WWOX: variants seen among roughly 807,000 people sequenced by gnomAD.
The protein encoded by WWOX is WW domain-containing oxidoreductase.
In WWOX, 69 loss-of-function variants were observed where a neutral mutation model predicts 46.2. The ratio of observed to expected loss-of-function variants is 1.49; its 90% CI spans 1.23 to 1.82. WWOX has a LOEUF of 1.82. Among genes scored for constraint, WWOX ranks in the 40% most tolerant of loss-of-function variants. The probability of loss-of-function intolerance (pLI) is 0.00; values close to 1 mark genes in which losing one functional copy is unlikely to be tolerated. For missense variants in WWOX, 919 were observed against 542.6 expected, an observed-to-expected ratio of 1.69 and a Z score of -6.89; for synonymous variants, 359 against 202.6, an observed-to-expected ratio of 1.77 and a Z score of -6.56.
At chr16:78,197,003 T>A (rs2151770164) in intron 5 of WWOX, among the ~76,000 whole-genome samples, 1 of 152,318 alleles carries the variant, frequency 6.6e-6, no homozygotes, top group African/African-American at 2.4e-5. Flanking sequence ...TAATATATAA[T>A]TTCAGGCATA....
intron 8 of WWOX, among the ~76,000 whole-genome samples, chr16:78,489,582 C>G (rs1597155983): frequency 1.3e-5 from 2 of 152,094 alleles, no homozygotes; most frequent in East Asian, 3.9e-4. Flanking sequence ...AGCATTTAAA[C>G]TGAATTTGGA....
In WWOX at chr16:78,860,974, C is replaced by G. The variant is rs1406251193; in HGVS notation, c.1057-350634C>G. On this transcript the variant is annotated intron_variant, in intron 8 of 8. Transcript: ENST00000566780. ...GGGACTACAGGCGCATGCCGTAACTCGCAACTAATTTTTTGTATTTTTTTT... is the reference window on the plus strand; with the variant it reads ...GGGACTACAGGCGCATGCCGTAACTGGCAACTAATTTTTTGTATTTTTTTT... Among the ~76,000 whole-genome samples, 6 of 152,094 alleles carry G rather than the reference C, an allele frequency of 3.9e-5. No homozygotes were observed. The South Asian group carries it at 1.2e-3, about 32-fold the overall frequency.
chr16:78,515,773 G>C (rs1000548054), intron 8 of WWOX, among the ~76,000 whole-genome samples: 1 of 152,160 alleles, frequency 6.6e-6, no homozygotes, highest in Admixed American at 6.5e-5. Flanking sequence ...TTCTGCAAAG[G>C]TAACTTAGCG....
At chr16:79,030,834 G>A (rs1209302571) in intron 8 of WWOX, among the ~76,000 whole-genome samples, 1 of 152,132 alleles carries the variant, frequency 6.6e-6, no homozygotes, top group African/African-American at 2.4e-5. Flanking sequence ...TGTAATTCTA[G>A]CACTTTGGGA....
At chr16:78,988,013 A>T (rs989534117) in intron 8 of WWOX, among the ~76,000 whole-genome samples, 53 of 151,972 alleles carry the variant, frequency 3.5e-4, no homozygotes, top group African/African-American at 1.1e-3. Flanking sequence ...TATTTTATAA[A>T]GGGGGGGTGG....
chr16:78,792,329 C>G lies in WWOX; in HGVS notation c.1056+359577C>G, dbSNP rs180793033. ...CAGCCCCACCTTGGATCTCTCTCCT[C>G]TACTTCCCACATGTATCCTTTTCAT... On this transcript the variant is annotated intron_variant, in intron 8 of 8. Coordinates refer to ENST00000566780, the MANE Select transcript of WWOX (RefSeq NM_016373.4). Among the ~76,000 whole-genome samples the G allele has an allele frequency of 2.0e-5, 3 of 152,232 alleles. No homozygotes were observed. In the East Asian group the frequency reaches 5.8e-4, roughly 30 times the overall value.
At chr16:78,567,576 GAAGT>G (rs1169724603) in intron 8 of WWOX, among the ~76,000 whole-genome samples, 2 of 104,244 alleles carry the variant, frequency 1.9e-5, no homozygotes, top group Non-Finnish European at 3.9e-5. Flanking sequence ...AAAAAAAAAA[GAAGT>G]GAGTTTTTTT....
intron 8 of WWOX, among the ~76,000 whole-genome samples, chr16:79,082,422 T>A (rs567537842): frequency 1.3e-5 from 2 of 152,134 alleles, no homozygotes; most frequent in South Asian, 4.2e-4. Flanking sequence ...GGTCATGAGG[T>A]CACCTTCCCA....
intron 8 of WWOX, among the ~76,000 whole-genome samples, chr16:78,740,892 C>T (rs1217649026): frequency 6.6e-6 from 1 of 151,996 alleles, no homozygotes; most frequent in Non-Finnish European, 1.5e-5. Flanking sequence ...ACTCACCAGC[C>T]CCCACCAGAA....
At position 78,788,159 on chromosome 16, in the gene WWOX, C is replaced by G. The variant is rs138375411; in HGVS notation, c.1056+355407C>G. The stretch of plus-strand genomic sequence containing the variant: ...AGATTTTAAATCTTGATGAAGTCCC[C>G]TTTATCTATTTTGGATGTTGTTGCT... On this transcript the variant is annotated intron_variant, in intron 8 of 8. Transcript: ENST00000566780. 7.6e-4 allele frequency among the ~76,000 whole-genome samples: 116 copies of G among 152,266 alleles called. 1 individual carries two copies. The highest frequency in any genetic ancestry group is 2.6e-3 in the African/African-American group (109 of 41,578).
At chr16:78,748,636 G>T (rs1179458925) in intron 8 of WWOX, among the ~76,000 whole-genome samples, 1 of 152,148 alleles carries the variant, frequency 6.6e-6, no homozygotes, top group East Asian at 1.9e-4. Flanking sequence ...TGAAGTCACT[G>T]GGCCCAGATA....
Position 78,338,406 on chromosome 16 carries a change from A to G in WWOX, c.517-48454A>G, listed in dbSNP as rs1157268208. The stretch of plus-strand genomic sequence containing the variant: ...TAAAGTGTGCAATATTATCCTTGCA[A>G]AATTGTCTGTTTATTTTTTTTGCCC... On this transcript the variant is annotated intron_variant, in intron 5 of 8. Coordinates refer to ENST00000566780, the MANE Select transcript of WWOX (RefSeq NM_016373.4). 3.3e-5 allele frequency among the ~76,000 whole-genome samples: 4 copies of G among 120,910 alleles called. 1 individual carries two copies. The highest frequency in any genetic ancestry group is 1.1e-4 in the African/African-American group (4 of 35,634). The allele number at this position is 120,910 out of a possible 152,430, so 79.3% of individuals were successfully genotyped here.
At chr16:78,643,570 G>T (rs1222799377) in intron 8 of WWOX, among the ~76,000 whole-genome samples, 1 of 152,144 alleles carries the variant, frequency 6.6e-6, no homozygotes, top group African/African-American at 2.4e-5. Flanking sequence ...GAGCCTTCCA[G>T]CCCCCTGTAG....
intron 8 of WWOX, among the ~76,000 whole-genome samples, chr16:78,601,180 G>T: frequency 6.6e-6 from 1 of 152,276 alleles, no homozygotes; most frequent in Non-Finnish European, 1.5e-5. Context: ...CACTCATATA[G>T]AACTCCTTTA....
rs1486884492 is a variant in WWOX at position 78,347,551 on chromosome 16, A to G, written c.517-39309A>G. On this transcript the variant is annotated intron_variant, in intron 5 of 8. Transcript: ENST00000566780. ...TTCCTGAGCTTCTTAGGCGTGTTGCATCTTCCTGACCTTCCCAGTCCGAAG... is the reference window on the plus strand; with the variant it reads ...TTCCTGAGCTTCTTAGGCGTGTTGCGTCTTCCTGACCTTCCCAGTCCGAAG... Among the ~76,000 whole-genome samples the G allele has an allele frequency of 7.6e-5, 9 of 119,038 alleles. 2 individuals carry two copies. The highest frequency in any genetic ancestry group is 2.6e-4 in the African/African-American group (9 of 35,084). The allele number at this position is 119,038 out of a possible 152,430, so 78.1% of individuals were successfully genotyped here. A position where few individuals can be genotyped will look rare whatever the true frequency, so the allele number is the denominator to read the frequency against.
At chr16:78,910,235 A>AGTC (rs1555565409) in intron 8 of WWOX, among the ~76,000 whole-genome samples, 1 of 152,110 alleles carries the variant, frequency 6.6e-6, no homozygotes. Flanking sequence ...GGGGAGATTT[A>AGTC]CAAGCCAGTG....
intron 8 of WWOX, among the ~76,000 whole-genome samples, chr16:79,072,778 A>G (rs2048575808): frequency 6.6e-6 from 1 of 152,174 alleles, no homozygotes; most frequent in African/African-American, 2.4e-5. Context: ...TATTTATCAT[A>G]CAACATAATC....
chr16:78,144,917 T>G (rs752538574), intron 4 of WWOX, among the ~76,000 whole-genome samples: 2 of 152,154 alleles, frequency 1.3e-5, no homozygotes, highest in African/African-American at 2.4e-5. Flanking sequence ...AGCTCTGCAG[T>G]TATTTTATTC....
Position 79,189,801 on chromosome 16 carries a change from G to C in WWOX, c.1057-21807G>C, listed in dbSNP as rs982916003. Among the ~76,000 whole-genome samples, 7 of 151,496 alleles carry C rather than the reference G, an allele frequency of 4.6e-5. No homozygotes were observed. In the South Asian group the frequency reaches 6.3e-4, roughly 14 times the overall value. On this transcript the variant is annotated intron_variant, in intron 8 of 8. Transcript: ENST00000566780. ...AGTTGTTACCTGCTCCCGGTGGGAG[G>C]GGGGGGATATTTATTTGGCATCTTG...
Sources: gnomAD v4.1 joint callset for allele counts (sites outside exome capture counted in the v4.1 genomes callset) on GRCh38, gnomAD v4.1.1 for gene constraint, MANE v1.5 for transcripts, NCBI Gene and HGNC (gene_info 2026-07-23, HGNC 2026-07-21) for gene names.